BRD10: variants seen among roughly 807,000 people sequenced by gnomAD.
BRD10 encodes the protein uncharacterized bromodomain-containing protein 10.
At chr9:5,920,738 G>C in the BRD10 span, 2 of 1,613,936 alleles carry the variant, frequency 1.2e-6, no homozygotes, top group Non-Finnish European at 1.7e-6. Flanking sequence ...AGGGGATGTA[G>C]TCGCAGGTGT....
chr9:5,914,039 T>C, the BRD10 span: 15,656 of 452,764 alleles, frequency 0.035, 988 homozygotes, highest in African/African-American at 0.14. Context: ...GGATGGCAGC[T>C]TGGCACACTT....
the BRD10 span, chr9:5,920,464 A>T: frequency 6.2e-7 from 1 of 1,613,986 alleles, no homozygotes; most frequent in Non-Finnish European, 8.5e-7. Flanking sequence ...TGCCACCTGG[A>T]GCAGAACTGT....
the BRD10 span, among the ~76,000 whole-genome samples, chr9:5,925,297 T>G: frequency 1.0e-4 from 15 of 149,622 alleles, no homozygotes; most frequent in Non-Finnish European, 1.8e-4. Context: ...AGGTGGAGGT[T>G]GCAGTGAGCC....
At chr9:5,995,297 C>G in the BRD10 span, among the ~76,000 whole-genome samples, 6 of 152,214 alleles carry the variant, frequency 3.9e-5, no homozygotes, top group Admixed American at 2.0e-4. Context: ...TAAGTAAGAG[C>G]TCCATTAACT....
At chr9:5,886,024 G>A in the BRD10 span, among the ~76,000 whole-genome samples, 9 of 152,226 alleles carry the variant, frequency 5.9e-5, no homozygotes, top group Admixed American at 2.0e-4. Flanking sequence ...TCCCAAAAGG[G>A]AACACAGTGG....
At chr9:5,920,649 G>A in the BRD10 span, 2,382 of 1,613,974 alleles carry the variant, frequency 1.5e-3, 40 homozygotes, top group East Asian at 0.039. Context: ...AGTGAAGTCC[G>A]AGATTGTCTT....
the BRD10 span, chr9:5,906,766 C>G: frequency 2.8e-5 from 17 of 606,096 alleles, no homozygotes; most frequent in Non-Finnish European, 4.9e-5. Context: ...AGGCACACAG[C>G]AAGTAAGTGG....
the BRD10 span, among the ~76,000 whole-genome samples, chr9:5,945,136 T>C: frequency 6.6e-6 from 1 of 152,182 alleles, no homozygotes; most frequent in African/African-American, 2.4e-5. Context: ...CTATGATGTA[T>C]GAACTTCAGG....
the BRD10 span, among the ~76,000 whole-genome samples, chr9:6,003,850 T>C: frequency 6.6e-6 from 1 of 152,198 alleles, no homozygotes; most frequent in Non-Finnish European, 1.5e-5. Flanking sequence ...AACAAAAAGA[T>C]ATTTCAAAAG....
the BRD10 span, among the ~76,000 whole-genome samples, chr9:5,944,137 G>A: frequency 1.3e-5 from 2 of 152,032 alleles, no homozygotes; most frequent in Non-Finnish European, 2.9e-5. Flanking sequence ...TAAAAAAAAC[G>A]ATTTTCTTCA....
chr9:5,927,744 G>A, the BRD10 span, among the ~76,000 whole-genome samples: 2 of 151,926 alleles, frequency 1.3e-5, no homozygotes, highest in African/African-American at 4.8e-5. Flanking sequence ...CTATCTTCCT[G>A]TTTTACTGAG....
At chr9:6,002,248 A>C in the BRD10 span, among the ~76,000 whole-genome samples, 1 of 152,152 alleles carries the variant, frequency 6.6e-6, no homozygotes, top group Non-Finnish European at 1.5e-5. Flanking sequence ...TGTTAATTGA[A>C]CTCTTTCATA....
the BRD10 span, chr9:6,007,462 G>T: frequency 2.5e-6 from 4 of 1,608,796 alleles, no homozygotes; most frequent in South Asian, 2.2e-5. Context: ...CTCCGCGGTG[G>T]CAACGCCCCC....
At chr9:5,968,527 G>A in the BRD10 span, 2 of 1,613,126 alleles carry the variant, frequency 1.2e-6, no homozygotes, top group Non-Finnish European at 8.5e-7. Flanking sequence ...TAATTTCATA[G>A]TTGGATTTTA....
At chr9:5,962,071 A>G in the BRD10 span, among the ~76,000 whole-genome samples, 1 of 152,184 alleles carries the variant, frequency 6.6e-6, no homozygotes, top group Admixed American at 6.5e-5. Context: ...TTGTGATGTT[A>G]GGGTGTCAAT....
chr9:5,897,601 T>C, the BRD10 span: 5 of 1,614,044 alleles, frequency 3.1e-6, no homozygotes, highest in African/African-American at 1.3e-5. Flanking sequence ...GGAGTCTTAC[T>C]GCTCATCGGC....
chr9:5,981,549 C>G, the BRD10 span, among the ~76,000 whole-genome samples: 2 of 139,202 alleles, frequency 1.4e-5, no homozygotes, highest in Non-Finnish European at 2.9e-5. Flanking sequence ...GAGACCTGGA[C>G]TATCTATCTA....
the BRD10 span, among the ~76,000 whole-genome samples, chr9:5,940,017 A>G: frequency 6.6e-6 from 1 of 152,208 alleles, no homozygotes; most frequent in Non-Finnish European, 1.5e-5. Context: ...CAGTCTAGCT[A>G]ATGTACACCC....
the BRD10 span, among the ~76,000 whole-genome samples, chr9:5,958,335 C>T: frequency 6.6e-6 from 1 of 152,146 alleles, no homozygotes; most frequent in Non-Finnish European, 1.5e-5. Context: ...AAAGAAATGG[C>T]ATATTTCTTT....
Sources: gnomAD v4.1 joint callset for allele counts (sites outside exome capture counted in the v4.1 genomes callset) on GRCh38, gnomAD v4.1.1 for gene constraint, MANE v1.5 for transcripts, NCBI Gene and HGNC (gene_info 2026-07-23, HGNC 2026-07-21) for gene names.